EPHA6: variants seen among roughly 807,000 people sequenced by gnomAD.
EPHA6 encodes the protein EPH receptor A6, also known as ephrin type-A receptor 6.
Under a neutral mutation model 112.0 loss-of-function variants are expected in EPHA6, and 50 were observed. That is an observed-to-expected ratio of 0.45 (90% CI 0.36 to 0.56). The LOEUF is 0.56. Among genes scored for constraint, EPHA6 ranks in the 20% least tolerant of loss-of-function variants. EPHA6 has a pLI of 0.00. For synonymous variants in EPHA6, 529 were observed against 490.7 expected, an observed-to-expected ratio of 1.08 and a Z score of -1.03; for missense variants, 1,280 against 1,417.4, an observed-to-expected ratio of 0.90 and a Z score of 1.56.
intron 14 of EPHA6, among the ~76,000 whole-genome samples, chr3:97,716,791 T>A (rs369005151): frequency 8.5e-5 from 13 of 152,220 alleles, no homozygotes; most frequent in East Asian, 5.8e-4. Context: ...TTATTCCAGT[T>A]TGTGCATACC....
intron 7 of EPHA6, among the ~76,000 whole-genome samples, chr3:97,474,601 A>G (rs1159734023): frequency 6.6e-6 from 1 of 151,952 alleles, no homozygotes; most frequent in Non-Finnish European, 1.5e-5. Context: ...TTAAAGCATT[A>G]TTAATATAAA....
chr3:97,745,967 C>G (rs2035697892), intron 16 of EPHA6, among the ~76,000 whole-genome samples: 1 of 151,816 alleles, frequency 6.6e-6, no homozygotes, highest in African/African-American at 2.4e-5. Flanking sequence ...TAGGGGAATT[C>G]TTACTTCACA....
At chr3:96,898,574 G>A (rs2038411622) in intron 2 of EPHA6, among the ~76,000 whole-genome samples, 2 of 152,012 alleles carry the variant, frequency 1.3e-5, no homozygotes, top group South Asian at 4.1e-4. Flanking sequence ...ACATCTTTGT[G>A]TATATATGCA....
At chr3:97,543,602 T>A (rs138353388) in intron 11 of EPHA6, among the ~76,000 whole-genome samples, 25,945 of 152,076 alleles carry the variant, frequency 0.17, 2,609 homozygotes, top group Admixed American at 0.26. Flanking sequence ...CCATATGAAC[T>A]TTAAAGTAGT....
chr3:97,017,339 A>G (rs1470266756), intron 3 of EPHA6, among the ~76,000 whole-genome samples: 1 of 152,166 alleles, frequency 6.6e-6, no homozygotes, highest in Non-Finnish European at 1.5e-5. Flanking sequence ...CATTGAACTC[A>G]GTAGTCCTTT....
At chr3:97,386,862 G>C (rs1053071085) in intron 5 of EPHA6, among the ~76,000 whole-genome samples, 1 of 152,176 alleles carries the variant, frequency 6.6e-6, no homozygotes, top group Non-Finnish European at 1.5e-5. Flanking sequence ...CTGAAATCTA[G>C]GCAGAAGCTC....
intron 11 of EPHA6, among the ~76,000 whole-genome samples, chr3:97,572,147 CTTTTTTTTTT>C (rs869271956): frequency 2.3e-5 from 3 of 128,368 alleles, no homozygotes; most frequent in African/African-American, 8.6e-5. Flanking sequence ...ATCTCTTTTC[CTTTTTTTTTT>C]TTTTTTTTTT....
chr3:97,203,530 C>A (rs1409947648), intron 3 of EPHA6, among the ~76,000 whole-genome samples: 3 of 151,858 alleles, frequency 2.0e-5, no homozygotes, highest in East Asian at 1.9e-4. Flanking sequence ...ATAGGTAGTG[C>A]AGATTATAAT....
intron 3 of EPHA6, among the ~76,000 whole-genome samples, chr3:97,063,626 G>A (rs112416873): frequency 0.023 from 3,565 of 152,122 alleles, 70 homozygotes; most frequent in Non-Finnish European, 0.038. Context: ...TGGGTTGATA[G>A]TGCAGCAAAT....
At chr3:97,323,887 T>G (rs566665125) in intron 5 of EPHA6, among the ~76,000 whole-genome samples, 1 of 152,092 alleles carries the variant, frequency 6.6e-6, no homozygotes, top group East Asian at 1.9e-4. Context: ...GAAAATTACT[T>G]ATTAAAATAA....
At chr3:97,234,153 A>G (rs1408760927) in intron 4 of EPHA6, among the ~76,000 whole-genome samples, 1 of 152,122 alleles carries the variant, frequency 6.6e-6, no homozygotes, top group Non-Finnish European at 1.5e-5. Context: ...TCTAAAGAAA[A>G]TTATGTCTCA....
chr3:97,602,875 C>T (rs573450221), intron 12 of EPHA6, among the ~76,000 whole-genome samples: 11 of 151,940 alleles, frequency 7.2e-5, no homozygotes, highest in South Asian at 2.1e-4. Flanking sequence ...TTTTGAACTT[C>T]GACATTATAT....
intron 12 of EPHA6, among the ~76,000 whole-genome samples, chr3:97,604,009 A>G (rs1020622191): frequency 6.6e-6 from 1 of 151,862 alleles, no homozygotes; most frequent in East Asian, 1.9e-4. Context: ...TCATTTAATT[A>G]GCTGTTATTG....
chr3:97,254,684 G>T (rs1004014976), intron 5 of EPHA6, among the ~76,000 whole-genome samples: 1 of 152,078 alleles, frequency 6.6e-6, no homozygotes, highest in African/African-American at 2.4e-5. Flanking sequence ...GAGGCAAGAC[G>T]CACATATGCC....
intron 3 of EPHA6, among the ~76,000 whole-genome samples, chr3:97,101,218 A>G (rs4857239): frequency 0.14 from 21,459 of 152,018 alleles, 2,721 homozygotes; most frequent in African/African-American, 0.31. Context: ...ATAAAAATGA[A>G]TTAATTAGAA....
At chr3:96,981,795 G>A (rs1001589307) in intron 2 of EPHA6, among the ~76,000 whole-genome samples, 3 of 152,084 alleles carry the variant, frequency 2.0e-5, no homozygotes, top group Non-Finnish European at 2.9e-5. Flanking sequence ...GGGTGTATGT[G>A]TCAAGAAATT....
Position 97,668,263 on chromosome 3 carries a change from C to A in EPHA6, c.2784+30181C>A, listed in dbSNP as rs189588524. Among the ~76,000 whole-genome samples, 15 of 152,178 alleles carry A rather than the reference C, an allele frequency of 9.9e-5. No individual in the cohort carries two copies. In the East Asian group the frequency reaches 2.9e-3, roughly 29 times the overall value. ...TGAATATTAACAAACAAGTACAAAA[C>A]CTTCATATAATTTGTTCAATAAAAT... On this transcript the variant is annotated intron_variant, in intron 14 of 17. Coordinates refer to ENST00000389672, the MANE Select transcript of EPHA6 (RefSeq NM_001080448.3).
chr3:97,729,288 G>A (rs1245268749), intron 15 of EPHA6, among the ~76,000 whole-genome samples: 2 of 152,070 alleles, frequency 1.3e-5, no homozygotes, highest in Middle Eastern at 3.4e-3. Context: ...AAGTATATTA[G>A]TCCATTTTCA....
In EPHA6 at chr3:97,226,364, G is replaced by C; in HGVS notation, c.1215G>C (p.Gln405His). Residue 405 changes from glutamine (Q) to histidine (H), a missense_variant, in exon 4 of 18, where the codon CAG (glutamine) becomes CAC (histidine). Coordinates refer to ENST00000389672, the MANE Select transcript of EPHA6 (RefSeq NM_001080448.3). ...ACATGGAAGCAACTTCTGTCTGTCA[G>C]TGTGAAAAGGGTTATTTCCGAGCTG... The part of the protein sequence containing the change: ...LTYMEATSVC[Q>H]CEKGYFRAEK... 1 of 1,613,730 alleles carries C rather than the reference G, an allele frequency of 6.2e-7. No homozygotes were observed. The highest frequency in any genetic ancestry group is 8.5e-7 in the Non-Finnish European group (1 of 1,179,714).
Sources: gnomAD v4.1 joint callset for allele counts (sites outside exome capture counted in the v4.1 genomes callset) on GRCh38, gnomAD v4.1.1 for gene constraint, MANE v1.5 for transcripts, NCBI Gene and HGNC (gene_info 2026-07-23, HGNC 2026-07-21) for gene names.